Variants in MCM9 observed in about 807,000 individuals in gnomAD.
The protein encoded by MCM9 is minichromosome maintenance 9 homologous recombination repair factor.
MCM9 carries 55 observed loss-of-function variants against 72.8 expected under a neutral mutation model. That is an observed-to-expected ratio of 0.76 (90% confidence interval 0.61 to 0.95). The LOEUF (loss-of-function observed/expected upper bound fraction) is 0.95, where lower values mean the gene tolerates loss of function less well. MCM9 is among the 40% of genes least tolerant of loss of function. The pLI, the probability that MCM9 is intolerant of heterozygous loss-of-function variation, is 0.00. For missense variants in MCM9, 1,279 were observed against 1,377.0 expected (o/e 0.93, Z 1.13); for synonymous variants, 480 against 503.4 (o/e 0.95, Z 0.62).
At chr6:118,858,898 G>A (rs1276737202) in intron 8 of MCM9, among the ~76,000 whole-genome samples, 1 of 152,066 alleles carries the variant, frequency 6.6e-6, no homozygotes, top group Non-Finnish European at 1.5e-5. Flanking sequence ...CAAAATCCTA[G>A]CATGATTTTT....
intron 6 of MCM9, among the ~76,000 whole-genome samples, chr6:118,916,650 C>T (rs1037821716): frequency 4.0e-5 from 6 of 150,952 alleles, no homozygotes; most frequent in Admixed American, 2.6e-4. Context: ...ATAGAGACAA[C>T]GCCACCACAC....
intron 8 of MCM9, among the ~76,000 whole-genome samples, chr6:118,861,958 C>T (rs1776933473): frequency 6.6e-6 from 1 of 152,202 alleles, no homozygotes; most frequent in Non-Finnish European, 1.5e-5. Context: ...GGCCTGTAGG[C>T]CCATGCTGAG....
chr6:118,919,118 A>G (rs529533550), intron 5 of MCM9: 41 of 152,210 alleles, frequency 2.7e-4, no homozygotes, highest in Non-Finnish European at 8.8e-5. Flanking sequence ...ACATGGAACA[A>G]TTCTCTATTA....
intron 13 of MCM9, among the ~76,000 whole-genome samples, chr6:118,824,451 G>C (rs1774034823): frequency 6.6e-6 from 1 of 151,736 alleles, no homozygotes. Flanking sequence ...TGGAATTACA[G>C]GCGCCCGCCA....
At chr6:118,914,616 C>G (rs1046299774) in intron 6 of MCM9, among the ~76,000 whole-genome samples, 1 of 152,064 alleles carries the variant, frequency 6.6e-6, no homozygotes, top group African/African-American at 2.4e-5. Context: ...GAGAAAAGGT[C>G]AGGAATCCAA....
chr6:118,922,131 G>A, intron 4 of MCM9, 45 bp from the exon 5 acceptor site: 1 of 1,418,706 alleles, frequency 7.0e-7, no homozygotes, highest in East Asian at 2.3e-5. Flanking sequence ...TTAAATACAT[G>A]TTAAGTATCC....
At chr6:118,913,512 T>C in intron 6 of MCM9, 92 bp from the exon 7 acceptor site, 1 of 1,488,808 alleles carries the variant, frequency 6.7e-7, no homozygotes, top group East Asian at 2.3e-5. Flanking sequence ...CATCCTCATT[T>C]AAATATACTC....
chr6:118,824,467 C>A (rs1437021428), intron 13 of MCM9, among the ~76,000 whole-genome samples: 7 of 152,122 alleles, frequency 4.6e-5, no homozygotes, highest in Admixed American at 4.6e-4. Flanking sequence ...CGCCAACACA[C>A]CCAGCTAATT....
intron 11 of MCM9, 51 bp downstream of exon 11, chr6:118,827,876 T>C: frequency 6.6e-7 from 1 of 1,518,046 alleles, no homozygotes; most frequent in South Asian, 1.2e-5. Context: ...GCCCCATGCC[T>C]TGCACACACG....
At chr6:118,924,678 TA>T (rs1158531244) in intron 3 of MCM9, among the ~76,000 whole-genome samples, 1 of 152,222 alleles carries the variant, frequency 6.6e-6, no homozygotes, top group Non-Finnish European at 1.5e-5. Context: ...CCTAGCGGTT[TA>T]CCCGCAGCAT....
rs1782534012 is a variant in MCM9, at chr6:118,932,589, T to C, written c.-16+18A>G. Reference sequence around the variant, plus strand: ...ACACACACTCATGTGTATTCTGCTATGTAACTGAAACACATACCATTAATC... The same window carrying C: ...ACACACACTCATGTGTATTCTGCTACGTAACTGAAACACATACCATTAATC... On this transcript the variant is annotated intron_variant, in intron 2 of 13. Transcript: ENST00000619706. 5 of 983,344 alleles carry C rather than the reference T, an allele frequency of 5.1e-6. No individual in the cohort carries two copies. The highest frequency in any genetic ancestry group is 1.7e-5 in the African/African-American group (1 of 57,206). 60.9% of individuals were successfully genotyped at this position (983,344 alleles called of 1,614,324 possible). A position where few individuals can be genotyped will look rare whatever the true frequency, so the allele number is the denominator to read the frequency against.
chr6:118,827,990 C>T lies in MCM9; in HGVS notation c.1669G>A (p.Asp557Asn). The stretch of plus-strand genomic sequence containing the variant: ...GTGGTCCGGGCAGCGTTCCGGCAAT[C>T]ACTCTGCCTTTGCATCTGGTAGTAC... ...LRYYQMQRQSDCRNAARTTIR... is the reference protein window; with the variant it reads ...LRYYQMQRQSNCRNAARTTIR... The change falls in exon 11 of 14, where the codon GAT (aspartate) becomes AAT (asparagine). Residue 557 changes from aspartate to asparagine, a missense_variant. Coordinates refer to ENST00000619706, the MANE Select transcript of MCM9 (RefSeq NM_017696.3). The T allele has an allele frequency of 6.4e-7, 1 of 1,550,970 alleles. No individual in the cohort carries two copies. Among genetic ancestry groups the T allele is most frequent in the South Asian group, 1.2e-5 (1 of 84,060 alleles).
intron 8 of MCM9, among the ~76,000 whole-genome samples, chr6:118,865,532 C>T (rs762262798): frequency 2.0e-5 from 3 of 152,166 alleles, no homozygotes; most frequent in Non-Finnish European, 4.4e-5. Context: ...CATGTAGCTT[C>T]CATCTTCTCT....
rs151006775 is a variant in MCM9 at position 118,818,855 on chromosome 6, G to C, written c.1962-2561C>G. On this transcript the variant is annotated intron_variant, in intron 13 of 13. Coordinates refer to ENST00000619706, the MANE Select transcript of MCM9 (RefSeq NM_017696.3). Reference sequence around the variant, plus strand: ...AAGAGGTCTTTCACATCCCATGTAAGTTGTATTCCTAGGTATTTTATTTTC... The same window carrying C: ...AAGAGGTCTTTCACATCCCATGTAACTTGTATTCCTAGGTATTTTATTTTC... Among the ~76,000 whole-genome samples the C allele has an allele frequency of 5.9e-4, 90 of 152,276 alleles. 2 individuals carry two copies. The East Asian group carries it at 0.016, about 27-fold the overall frequency.
chr6:118,825,277 T>C (rs1167911645), intron 13 of MCM9, among the ~76,000 whole-genome samples: 1 of 152,194 alleles, frequency 6.6e-6, no homozygotes, highest in Non-Finnish European at 1.5e-5. Flanking sequence ...GCGAATTTTA[T>C]ACAAAGTGCA....
In MCM9 at chr6:118,827,910, C is replaced by T. The variant is rs982236809; in HGVS notation, c.1732+17G>A. On this transcript the variant is annotated intron_variant, in intron 11 of 13. Coordinates refer to ENST00000619706, the MANE Select transcript of MCM9 (RefSeq NM_017696.3). ...CGCAGCATTCAATACAAGCATCATTCGCTGAATGAAATAGACCTTCTGCTA... is the reference window on the plus strand; with the variant it reads ...CGCAGCATTCAATACAAGCATCATTTGCTGAATGAAATAGACCTTCTGCTA... 1.1e-5 allele frequency: 17 copies of T among 1,549,824 alleles called. No individual in the cohort carries two copies. Among genetic ancestry groups the T allele is most frequent in the African/African-American group, 5.5e-5 (4 of 73,046 alleles).
At chr6:118,829,338 C>T (rs559395899) in intron 9 of MCM9, 88 bp from the exon 10 acceptor site, 4 of 1,260,350 alleles carry the variant, frequency 3.2e-6, no homozygotes, top group Non-Finnish European at 4.3e-6. Flanking sequence ...GCTGCTCTTG[C>T]ACCTTGAAAA....
intron 9 of MCM9, among the ~76,000 whole-genome samples, chr6:118,846,395 G>A (rs1326647735): frequency 6.6e-6 from 1 of 151,908 alleles, no homozygotes. Context: ...GTGAAAGGAG[G>A]AGAAAGTAAT....
At chr6:118,933,630 C>A (rs1254541351) in intron 1 of MCM9, among the ~76,000 whole-genome samples, 1 of 151,962 alleles carries the variant, frequency 6.6e-6, no homozygotes, top group Non-Finnish European at 1.5e-5. Context: ...TCTACAAATA[C>A]GAATATTAAA....
Sources: gnomAD v4.1 joint callset for allele counts (sites outside exome capture counted in the v4.1 genomes callset) on GRCh38, gnomAD v4.1.1 for gene constraint, MANE v1.5 for transcripts, NCBI Gene and HGNC (gene_info 2026-07-23, HGNC 2026-07-21) for gene names.